The following ZYG11A variants were observed in gnomAD, a reference collection of about 807,000 sequenced individuals.
ZYG11A encodes protein zyg-11 homolog A.
ZYG11A carries 62 observed loss-of-function variants against 77.2 expected under a neutral mutation model. The ratio of observed to expected loss-of-function variants is 0.80; its 90% CI spans 0.65 to 0.99. The LOEUF is 0.99. Among genes scored for constraint, ZYG11A ranks in the 50% least tolerant of loss-of-function variants. The pLI is 0.00. For missense variants in ZYG11A, 828 were observed against 896.8 expected (o/e 0.92, Z 0.98); for synonymous variants, 315 against 324.6 (o/e 0.97, Z 0.32).
At chr1:52,889,873 G>C (rs373347771) in intron 13 of ZYG11A, among the ~76,000 whole-genome samples, 5 of 151,620 alleles carry the variant, frequency 3.3e-5, no homozygotes, top group African/African-American at 1.2e-4. Context: ...CACCATGCCC[G>C]GCTAAATTTT....
intron 3 of ZYG11A, 139 bp from the exon 4 acceptor site, chr1:52,860,592 T>C: frequency 1.0e-6 from 1 of 962,260 alleles, no homozygotes; most frequent in Non-Finnish European, 1.5e-6. Context: ...CCACTGCGCC[T>C]GGCCAACACC....
intron 1 of ZYG11A, among the ~76,000 whole-genome samples, chr1:52,844,205 G>C (rs375493789): frequency 6.6e-6 from 1 of 152,120 alleles, no homozygotes; most frequent in Non-Finnish European, 1.5e-5. Flanking sequence ...GTGAAGGCTC[G>C]ACCCAAAATT....
At chr1:52,861,658 T>C (rs506166) in intron 4 of ZYG11A, among the ~76,000 whole-genome samples, 113,588 of 151,954 alleles carry the variant, frequency 0.75, 43,605 homozygotes, top group African/African-American at 0.94. Flanking sequence ...GAGCCGAGAT[T>C]GTGCCATTGC....
intron 11 of ZYG11A, 61 bp downstream of exon 11, chr1:52,881,726 GT>G: frequency 7.7e-7 from 1 of 1,297,004 alleles, no homozygotes. Context: ...AGAAAATGTA[GT>G]TTCCTAAATC....
chr1:52,893,139 G>C lies in ZYG11A; in HGVS notation c.*182G>C, dbSNP rs1646573782. On this transcript the variant is annotated 3_prime_UTR_variant, in exon 14 of 14. Transcript: ENST00000371528. ...GATAGCTGTAATCCCAAGTCAAGTT[G>C]GACTCATTCTGCAGCCTTTCAGCAG... is the stretch of plus-strand genomic sequence containing the variant. 1.7e-6 allele frequency: 1 copy of C among 585,362 alleles called. No homozygotes were observed. The highest frequency in any genetic ancestry group is 1.9e-5 in the African/African-American group (1 of 53,524). 36.3% of individuals were successfully genotyped at this position (585,362 alleles called of 1,614,324 possible). A position where few individuals can be genotyped will look rare whatever the true frequency, so the allele number is the denominator to read the frequency against.
chr1:52,892,964 G>A lies in ZYG11A; in HGVS notation c.*7G>A. The A allele has an allele frequency of 1.9e-6, 3 of 1,550,482 alleles. No individual in the cohort carries two copies. Among genetic ancestry groups the A allele is most frequent in the African/African-American group, 1.4e-5 (1 of 73,152 alleles). ...GTGTCAAATGCCCTTCTGAACCTAA[G>A]GAATTTCAGAGGTGTGTGCTCTTCC... On this transcript the variant is annotated 3_prime_UTR_variant, in exon 14 of 14. Coordinates refer to ENST00000371528, the MANE Select transcript of ZYG11A (RefSeq NM_001004339.3).
intron 1 of ZYG11A, among the ~76,000 whole-genome samples, chr1:52,853,025 G>A (rs1177740102): frequency 1.3e-5 from 2 of 152,220 alleles, no homozygotes; most frequent in East Asian, 3.8e-4. Context: ...CTGGATTATG[G>A]AGAAGCTACA....
At chr1:52,868,895 G>A (rs1234705207) in intron 8 of ZYG11A, among the ~76,000 whole-genome samples, 1 of 151,962 alleles carries the variant, frequency 6.6e-6, no homozygotes, top group African/African-American at 2.4e-5. Flanking sequence ...GCGTGCAATG[G>A]TGCAATCTCG....
Position 52,866,530 on chromosome 1 carries a change from ACC to A in ZYG11A, c.1355_1356del (p.Thr452LysfsTer11), listed in dbSNP as rs1169483371. 6 of 1,541,176 alleles carry A rather than the reference ACC, an allele frequency of 3.9e-6. No individual in the cohort carries two copies. Among genetic ancestry groups the A allele is most frequent in the Non-Finnish European group, 5.3e-6 (6 of 1,138,022 alleles). ...QLQKNCLLSL[T>X]NSRILVDVPF... is the part of the protein sequence containing the mutation. ...ACAGAAGAATTGTCTTCTCTCCTTA[ACC>A]AATTCCAGGATTCTTGTGGATGTTC... On this transcript the variant is annotated frameshift_variant, in exon 6 of 14. Coordinates refer to ENST00000371528, the MANE Select transcript of ZYG11A (RefSeq NM_001004339.3). LOFTEE classifies it high-confidence loss of function.
At chr1:52,886,007 A>G in intron 12 of ZYG11A, 113 bp downstream of exon 12, 1 of 736,036 alleles carries the variant, frequency 1.4e-6, no homozygotes, top group Non-Finnish European at 2.1e-6. Context: ...ATCTTGGCTC[A>G]CTGCAAGCTC....
At chr1:52,850,891 C>A (rs1324983645) in intron 1 of ZYG11A, among the ~76,000 whole-genome samples, 1 of 152,006 alleles carries the variant, frequency 6.6e-6, no homozygotes, top group Admixed American at 6.6e-5. Flanking sequence ...ATTTTAAATT[C>A]CTGTCTGTTA....
Position 52,867,757 on chromosome 1 carries a change from G to C in ZYG11A, c.1522G>C (p.Glu508Gln). The C allele has an allele frequency of 6.4e-7, 1 of 1,551,494 alleles. No homozygotes were observed. Among genetic ancestry groups the C allele is most frequent in the Non-Finnish European group, 8.7e-7 (1 of 1,146,970 alleles). The change falls in exon 8 of 14, where the codon GAG (glutamate) becomes CAG (glutamine). Residue 508 changes from glutamate (E) to glutamine (Q), a missense_variant. Transcript: ENST00000371528. ...LSPEQTAQLE[E>Q]LFMAVKELLA... Reference sequence around the variant, plus strand: ...ACCTGAGCAAACGGCACAGCTTGAAGAGCTTTTCATGGCAGTTAAGGTAGG... The same window carrying C: ...ACCTGAGCAAACGGCACAGCTTGAACAGCTTTTCATGGCAGTTAAGGTAGG...
At chr1:52,860,589 G>T (rs76247126) in intron 3 of ZYG11A, 142 bp from the exon 4 acceptor site, 7 of 906,642 alleles carry the variant, frequency 7.7e-6, no homozygotes, top group African/African-American at 1.7e-5. Flanking sequence ...GAGCCACTGC[G>T]CCTGGCCAAC....
At chr1:52,857,862 C>A in intron 3 of ZYG11A, 113 bp downstream of exon 3, 1 of 804,450 alleles carries the variant, frequency 1.2e-6, no homozygotes, top group Non-Finnish European at 1.8e-6. Flanking sequence ...ATAAAAAAAT[C>A]CTTAAAGAGC....
Position 52,865,003 on chromosome 1 carries a change from C to T in ZYG11A, c.1326+846C>T, listed in dbSNP as rs534840810. Among the ~76,000 whole-genome samples, 13 of 151,914 alleles carry T rather than the reference C, an allele frequency of 8.6e-5. No individual in the cohort carries two copies. In the East Asian group the frequency reaches 2.3e-3, roughly 27 times the overall value. On this transcript the variant is annotated intron_variant, in intron 5 of 13. Coordinates refer to ENST00000371528, the MANE Select transcript of ZYG11A (RefSeq NM_001004339.3). ...TTTTGAGACGGAGTCATTCTGTTGCCGAGGCTAGAGTGCAGTAGCACGATC... is the reference window on the plus strand; with the variant it reads ...TTTTGAGACGGAGTCATTCTGTTGCTGAGGCTAGAGTGCAGTAGCACGATC...
At chr1:52,844,616 CTT>C in intron 1 of ZYG11A, among the ~76,000 whole-genome samples, 1 of 152,062 alleles carries the variant, frequency 6.6e-6, no homozygotes, top group South Asian at 2.1e-4. Flanking sequence ...TTAATCTTCT[CTT>C]AGCAATGTTT....
chr1:52,859,708 C>T lies in ZYG11A; in HGVS notation c.1009-1023C>T, dbSNP rs533498248. On this transcript the variant is annotated intron_variant, in intron 3 of 13. Transcript: ENST00000371528. Reference sequence around the variant, plus strand: ...TTTTTTTTTTTTTGAGACAGAGTCTCGGTCTGTCACCCAGGCTGGAGTGCA... The same window carrying T: ...TTTTTTTTTTTTTGAGACAGAGTCTTGGTCTGTCACCCAGGCTGGAGTGCA... Among the ~76,000 whole-genome samples, 68 of 86,836 alleles carry T rather than the reference C, an allele frequency of 7.8e-4. 1 individual carries two copies. The highest frequency in any genetic ancestry group is 2.5e-3 in the African/African-American group (54 of 21,946). 57.0% of individuals were successfully genotyped at this position (86,836 alleles called of 152,430 possible).
chr1:52,893,515 A>G lies in ZYG11A; in HGVS notation c.*558A>G, dbSNP rs1352204109. 3.3e-5 allele frequency: 5 copies of G among 152,634 alleles called. No homozygotes were observed. The highest frequency in any genetic ancestry group is 7.3e-5 in the Non-Finnish European group (5 of 68,364). 9.5% of individuals were successfully genotyped at this position (152,634 alleles called of 1,614,324 possible). ...TATGGTGGCTCACGCCTGTAATCCC[A>G]GCACTTTGGGAGGCCAAGGCAGGTG... On this transcript the variant is annotated 3_prime_UTR_variant, in exon 14 of 14. Transcript: ENST00000371528.
chr1:52,854,476 T>C lies in ZYG11A; in HGVS notation c.102T>C (p.Ser34=). The C allele has an allele frequency of 1.3e-6, 2 of 1,540,596 alleles. No individual in the cohort carries two copies. The highest frequency in any genetic ancestry group is 1.8e-6 in the Non-Finnish European group (2 of 1,140,258). The part of the protein sequence containing the change: ...LGCCVVQEEA[S]PYTLVNICLN... Reference sequence around the variant, plus strand: ...GTTTTGTTTGCTAGGAAGAGGCATCTCCCTACACTTTGGTCAACATCTGCC... The same window carrying C: ...GTTTTGTTTGCTAGGAAGAGGCATCCCCCTACACTTTGGTCAACATCTGCC... The change falls in exon 2 of 14, where the codon TCT becomes TCC. Residue 34 remains serine (S), a synonymous_variant. Transcript: ENST00000371528.
Sources: allele counts gnomAD v4.1 joint callset (sites outside exome capture counted in the v4.1 genomes callset), GRCh38; gene constraint gnomAD v4.1.1; transcripts MANE v1.5; gene names NCBI Gene and HGNC (gene_info 2026-07-23, HGNC 2026-07-21).